PLD5: variants seen among roughly 807,000 people sequenced by gnomAD.
PLD5 encodes phospholipase D family member 5.
Under a neutral mutation model 61.1 loss-of-function variants are expected in PLD5, and 36 were observed. The ratio of observed to expected loss-of-function variants is 0.59; its 90% CI spans 0.45 to 0.78. PLD5 has a LOEUF of 0.78. PLD5 is among the 30% of genes least tolerant of loss of function. The probability of loss-of-function intolerance (pLI) is 0.00; values close to 1 mark genes in which losing one functional copy is unlikely to be tolerated. For synonymous variants in PLD5, 243 were observed against 242.8 expected (o/e 1.00, Z -0.01); for missense variants, 515 against 644.4 (o/e 0.80, Z 2.17).
Position 242,124,199 on chromosome 1 carries a change from G to C in PLD5, c.933+269C>G, listed in dbSNP as rs560796657. 4.6e-5 allele frequency among the ~76,000 whole-genome samples: 7 copies of C among 152,232 alleles called. No individual in the cohort carries two copies. In the East Asian group the frequency reaches 1.2e-3, roughly 25 times the overall value. ...GGTCGATACCTTCATTTGCAAAATG[G>C]ACACAACCCCATACCTAGCTTACAG... is the stretch of plus-strand genomic sequence containing the variant. On this transcript the variant is annotated intron_variant, in intron 6 of 9. Transcript: ENST00000536534.
chr1:242,239,996 A>T (rs906058926), intron 4 of PLD5, among the ~76,000 whole-genome samples: 2 of 152,242 alleles, frequency 1.3e-5, no homozygotes, highest in African/African-American at 4.8e-5. Context: ...AGGGATGCAG[A>T]AAAGAAAATT....
chr1:242,473,934 A>T (rs550394068), intron 1 of PLD5, among the ~76,000 whole-genome samples: 2 of 152,208 alleles, frequency 1.3e-5, no homozygotes, highest in Non-Finnish European at 2.9e-5. Context: ...ACATTCCATT[A>T]CCCGAGACAA....
intron 1 of PLD5, among the ~76,000 whole-genome samples, chr1:242,385,580 C>T (rs1012547698): frequency 1.6e-4 from 24 of 152,154 alleles, no homozygotes; most frequent in African/African-American, 5.6e-4. Context: ...CTCTCTCAAA[C>T]TGTCTTTTTC....
At chr1:242,455,475 A>C (rs7513669) in intron 1 of PLD5, among the ~76,000 whole-genome samples, 7,965 of 152,214 alleles carry the variant, frequency 0.052, 629 homozygotes, top group African/African-American at 0.17. Flanking sequence ...ATGAAGTGAA[A>C]TCTCCTTATT....
intron 6 of PLD5, among the ~76,000 whole-genome samples, chr1:242,116,372 G>A (rs1421793125): frequency 2.0e-5 from 3 of 152,158 alleles, no homozygotes; most frequent in African/African-American, 7.2e-5. Context: ...AAGTCCTCTT[G>A]GCAGGTGATC....
At chr1:242,282,427 T>G (rs1674764082) in intron 3 of PLD5, among the ~76,000 whole-genome samples, 1 of 152,106 alleles carries the variant, frequency 6.6e-6, no homozygotes, top group South Asian at 2.1e-4. Context: ...GGCTCGTACT[T>G]CCCAAAAACA....
chr1:242,201,746 AT>A, intron 5 of PLD5, among the ~76,000 whole-genome samples: 1 of 152,282 alleles, frequency 6.6e-6, no homozygotes, highest in South Asian at 2.1e-4. Flanking sequence ...GCCAATTAGA[AT>A]TTTACCTCAA....
At chr1:242,127,372 T>C (rs1005296705) in intron 5 of PLD5, among the ~76,000 whole-genome samples, 6 of 152,204 alleles carry the variant, frequency 3.9e-5, no homozygotes, top group African/African-American at 1.4e-4. Flanking sequence ...AGCAGCACAG[T>C]CTGCAACTGC....
At chr1:242,254,791 T>C (rs1392868416) in intron 4 of PLD5, among the ~76,000 whole-genome samples, 1 of 152,198 alleles carries the variant, frequency 6.6e-6, no homozygotes, top group African/African-American at 2.4e-5. Context: ...AAAGTACCTG[T>C]TCCTAGTTAT....
intron 4 of PLD5, among the ~76,000 whole-genome samples, chr1:242,262,698 C>A (rs1372018575): frequency 6.6e-6 from 1 of 151,922 alleles, no homozygotes; most frequent in Non-Finnish European, 1.5e-5. Flanking sequence ...ATGTGGCGTA[C>A]GAGAGCGTGG....
intron 1 of PLD5, among the ~76,000 whole-genome samples, chr1:242,484,489 C>A (rs1273166640): frequency 2.0e-5 from 3 of 152,168 alleles, no homozygotes; most frequent in East Asian, 1.9e-4. Context: ...GACACGTACA[C>A]CCTCCCAAGA....
intron 1 of PLD5, chr1:242,449,331 T>C (rs1403583442): frequency 6.5e-7 from 1 of 1,536,120 alleles, no homozygotes; most frequent in Admixed American, 2.0e-5. Flanking sequence ...ACTAGGTCTG[T>C]AGAAAACTCC....
intron 2 of PLD5, among the ~76,000 whole-genome samples, chr1:242,301,242 T>G (rs896687106): frequency 6.6e-6 from 1 of 152,132 alleles, no homozygotes; most frequent in African/African-American, 2.4e-5. Context: ...GTGAGGAAGA[T>G]GTTTGGATCT....
rs1175746599 is a variant in PLD5, at chr1:242,415,573, C to T, written c.190-67331G>A. Among the ~76,000 whole-genome samples the T allele has an allele frequency of 2.0e-5, 3 of 146,824 alleles. No homozygotes were observed. In the East Asian group the frequency reaches 6.0e-4, roughly 30 times the overall value. ...TGTCGCCCAGGCTGGAGTGCAGTGG[C>T]GAGATCTCGGTTCACTGCAAGCTCC... On this transcript the variant is annotated intron_variant, in intron 1 of 9. Coordinates refer to ENST00000536534, the MANE Select transcript of PLD5 (RefSeq NM_001372062.1).
intron 1 of PLD5, among the ~76,000 whole-genome samples, chr1:242,451,394 A>G (rs552141975): frequency 3.5e-5 from 5 of 144,602 alleles, no homozygotes; most frequent in African/African-American, 1.3e-4. Context: ...TGGTTATTTT[A>G]TTGTTTATTT....
At chr1:242,419,560 TA>T (rs1393817298) in intron 1 of PLD5, among the ~76,000 whole-genome samples, 3 of 142,078 alleles carry the variant, frequency 2.1e-5, no homozygotes, top group East Asian at 4.1e-4. Flanking sequence ...TACACCCGGC[TA>T]AATTTTTTGC....
chr1:242,305,806 C>G (rs12142195), intron 2 of PLD5, among the ~76,000 whole-genome samples: 1 of 152,122 alleles, frequency 6.6e-6, no homozygotes, highest in Non-Finnish European at 1.5e-5. Flanking sequence ...ATGACCCGCC[C>G]GCCTCGGCCT....
intron 4 of PLD5, among the ~76,000 whole-genome samples, chr1:242,220,685 C>G (rs184078412): frequency 6.8e-6 from 1 of 147,088 alleles, no homozygotes; most frequent in East Asian, 2.0e-4. Context: ...TCATCTTTAT[C>G]TGATAGTATT....
At position 242,288,476 on chromosome 1, in the gene PLD5, T is replaced by C; in HGVS notation, c.381A>G (p.Pro127=). The C allele has an allele frequency of 5.6e-6, 9 of 1,611,332 alleles. No individual in the cohort carries two copies. Among genetic ancestry groups the C allele is most frequent in the Non-Finnish European group, 7.6e-6 (9 of 1,179,160 alleles). ...AGCCTTGGAAAAGTGATAAGTGAAATGGTGCATTTTCTGAATAGTTAAGGC... is the reference window on the plus strand; with the variant it reads ...AGCCTTGGAAAAGTGATAAGTGAAACGGTGCATTTTCTGAATAGTTAAGGC... ...PEGLNYSENA[P]FHLSLFQGWM... Residue 127 remains proline, a synonymous_variant, in exon 3 of 10, where the codon CCA becomes CCG. Coordinates refer to ENST00000536534, the MANE Select transcript of PLD5 (RefSeq NM_001372062.1).
Sources: gnomAD v4.1 joint callset for allele counts (sites outside exome capture counted in the v4.1 genomes callset) on GRCh38, gnomAD v4.1.1 for gene constraint, MANE v1.5 for transcripts, NCBI Gene and HGNC (gene_info 2026-07-23, HGNC 2026-07-21) for gene names.